Variants in TJP1 observed in about 807,000 individuals in gnomAD.
The protein encoded by TJP1 is tight junction protein 1, also known as tight junction protein ZO-1.
TJP1 carries 43 observed loss-of-function variants against 194.2 expected under a neutral mutation model. The observed-to-expected ratio is 0.22, with a 90% CI of 0.17 to 0.29. The LOEUF (loss-of-function observed/expected upper bound fraction) is 0.29, where lower values mean the gene tolerates loss of function less well. Among genes scored for constraint, TJP1 ranks in the 10% least tolerant of loss-of-function variants. The pLI is 1.00. For synonymous variants in TJP1, 801 were observed against 779.0 expected (o/e 1.03, Z -0.47); for missense variants, 1,971 against 2,185.7 (o/e 0.90, Z 1.96).
chr15:29,869,795 C>CTTTTTTTTTTTTTTTT (rs11318770), intron 2 of TJP1, among the ~76,000 whole-genome samples: 18 of 56,004 alleles, frequency 3.2e-4, no homozygotes, highest in African/African-American at 4.0e-4. Flanking sequence ...TTCTTTCTTT[C>CTTTTTTTTTTTTTTTT]TTTTTTTTTT....
At chr15:29,924,899 A>G (rs1029522019) in intron 2 of TJP1, among the ~76,000 whole-genome samples, 1 of 152,244 alleles carries the variant, frequency 6.6e-6, no homozygotes, top group African/African-American at 2.4e-5. Flanking sequence ...TCCTCCCCAT[A>G]GTCCCAGTGC....
At chr15:29,869,795 C>CTTTTTTTTTTTTTTTTT (rs11318770) in intron 2 of TJP1, among the ~76,000 whole-genome samples, 5 of 55,998 alleles carry the variant, frequency 8.9e-5, no homozygotes, top group African/African-American at 1.3e-4. Flanking sequence ...TTCTTTCTTT[C>CTTTTTTTTTTTTTTTTT]TTTTTTTTTT....
intron 5 of TJP1, among the ~76,000 whole-genome samples, chr15:29,762,878 G>A (rs952370300): frequency 1.3e-5 from 2 of 152,172 alleles, no homozygotes; most frequent in African/African-American, 2.4e-5. Flanking sequence ...GGGACTAACA[G>A]ACATGTGTCA....
intron 2 of TJP1, among the ~76,000 whole-genome samples, chr15:29,951,053 A>G (rs574766828): frequency 6.6e-6 from 1 of 152,340 alleles, no homozygotes; most frequent in African/African-American, 2.4e-5. Flanking sequence ...GATCAATTAC[A>G]TGCATCAATT....
At chr15:29,940,870 CA>C (rs1190557633) in intron 2 of TJP1, among the ~76,000 whole-genome samples, 1 of 152,164 alleles carries the variant, frequency 6.6e-6, no homozygotes, top group African/African-American at 2.4e-5. Context: ...CAATCACCTC[CA>C]AGTGACCCCC....
chr15:29,954,434 A>G (rs1471753630), intron 2 of TJP1, among the ~76,000 whole-genome samples: 3 of 152,232 alleles, frequency 2.0e-5, no homozygotes, highest in Non-Finnish European at 4.4e-5. Flanking sequence ...ATAGAAAAAA[A>G]GCTGATAAAA....
At chr15:29,855,544 G>C (rs2051813581) in intron 2 of TJP1, among the ~76,000 whole-genome samples, 1 of 152,032 alleles carries the variant, frequency 6.6e-6, no homozygotes, top group Non-Finnish European at 1.5e-5. Context: ...AAAAAATAAA[G>C]TGAGAAAGAA....
At chr15:29,829,124 A>C (rs1681416614) in intron 2 of TJP1, among the ~76,000 whole-genome samples, 1 of 152,196 alleles carries the variant, frequency 6.6e-6, no homozygotes, top group African/African-American at 2.4e-5. Context: ...GAATAAGTTT[A>C]GCTTTACAGA....
intron 8 of TJP1, 118 bp downstream of exon 8, chr15:29,761,021 G>T: frequency 8.0e-7 from 1 of 1,250,090 alleles, no homozygotes; most frequent in Non-Finnish European, 1.1e-6. Flanking sequence ...GAGAAAAACA[G>T]ATCTAATCTT....
intron 6 of TJP1, 65 bp from the exon 7 acceptor site, chr15:29,761,834 T>C: frequency 1.4e-6 from 2 of 1,398,930 alleles, no homozygotes; most frequent in Non-Finnish European, 9.5e-7. Flanking sequence ...ACTTAGTTTG[T>C]TATAAACAGA....
At position 29,799,580 on chromosome 15, in the gene TJP1, A is replaced by G. The variant is rs147844276; in HGVS notation, c.84+1066T>C. Among the ~76,000 whole-genome samples, 395 of 151,918 alleles carry G rather than the reference A, an allele frequency of 2.6e-3. 3 individuals carry two copies. The highest frequency in any genetic ancestry group is 0.01 in the Middle Eastern group (3 of 294). ...CAGGCACCCGCCACCACGCCTGGCTAATTTTTTTGTATTTTTAGTACAGAC... is the reference window on the plus strand; with the variant it reads ...CAGGCACCCGCCACCACGCCTGGCTGATTTTTTTGTATTTTTAGTACAGAC... On this transcript the variant is annotated intron_variant, in intron 2 of 27. Coordinates refer to ENST00000614355, the MANE Select transcript of TJP1 (RefSeq NM_001330239.4).
upstream of TJP1, chr15:29,824,142 G>A (rs900308206): frequency 1.6e-5 from 2 of 123,120 alleles, no homozygotes; most frequent in Non-Finnish European, 3.2e-5. Context: ...AGTTGCTCAC[G>A]TTTATAATCC....
At chr15:29,791,601 G>A (rs1344069972) in intron 2 of TJP1, among the ~76,000 whole-genome samples, 1 of 148,752 alleles carries the variant, frequency 6.7e-6, no homozygotes, top group African/African-American at 2.5e-5. Context: ...CACCGTGTTA[G>A]CCAGGATGGT....
chr15:29,757,970 T>C (rs1233757261), intron 8 of TJP1, among the ~76,000 whole-genome samples: 1 of 152,210 alleles, frequency 6.6e-6, no homozygotes, highest in Non-Finnish European at 1.5e-5. Flanking sequence ...AAATGAGCAG[T>C]GAAGGAAAAC....
chr15:29,949,450 C>A (rs1235029202), intron 2 of TJP1, among the ~76,000 whole-genome samples: 188 of 128,768 alleles, frequency 1.5e-3, no homozygotes, highest in Non-Finnish European at 2.4e-3. Flanking sequence ...CCTCCACCTT[C>A]ACCACCACTT....
In TJP1 at chr15:29,906,468, AAAATAAAT is replaced by A. The variant is rs71103415; in HGVS notation, c.306+49756_306+49763del. Reference sequence around the variant, plus strand: ...GGGCGATAGAGCGAGACTCCGTCTCAAAATAAATAAATAAATAAATAAATAAATAAATA... The same window carrying A: ...GGGCGATAGAGCGAGACTCCGTCTCAAAATAAATAAATAAATAAATAAATA... On this transcript the variant is annotated intron_variant, in intron 2 of 28. Transcript: ENST00000356107. Among the ~76,000 whole-genome samples, 90 of 138,936 alleles carry A rather than the reference AAAATAAAT, an allele frequency of 6.5e-4. 1 individual carries two copies. The highest frequency in any genetic ancestry group is 3.6e-3 in the East Asian group (17 of 4,724). 91.1% of individuals were successfully genotyped at this position (138,936 alleles called of 152,430 possible).
chr15:29,809,875 C>T (rs1393819463), intron 1 of TJP1, among the ~76,000 whole-genome samples: 1 of 151,622 alleles, frequency 6.6e-6, no homozygotes, highest in African/African-American at 2.4e-5. Context: ...CACTTAAGTA[C>T]TTGATTTGGA....
chr15:29,736,124 T>C (rs2044018498), intron 11 of TJP1, among the ~76,000 whole-genome samples: 2 of 152,046 alleles, frequency 1.3e-5, no homozygotes, highest in African/African-American at 2.4e-5. Context: ...AAAACGCTGC[T>C]AAAAAATAAA....
chr15:29,948,582 C>T (rs2055363896), intron 2 of TJP1, among the ~76,000 whole-genome samples: 1 of 152,154 alleles, frequency 6.6e-6, no homozygotes, highest in Admixed American at 6.5e-5. Flanking sequence ...AGAGACACTG[C>T]CCCTGGCCTT....
Sources: gnomAD v4.1 joint callset for allele counts (sites outside exome capture counted in the v4.1 genomes callset) on GRCh38, gnomAD v4.1.1 for gene constraint, MANE v1.5 for transcripts, NCBI Gene and HGNC (gene_info 2026-07-23, HGNC 2026-07-21) for gene names.